Variants in GARIN2 observed in about 807,000 individuals in gnomAD.
The protein encoded by GARIN2 is golgi associated RAB2 interactor family member 2.
chr14:67,224,842 G>T, the GARIN2 span: 1 of 308,656 alleles, frequency 3.2e-6, no homozygotes, highest in Non-Finnish European at 6.0e-6. Flanking sequence ...TAAGCAGCCA[G>T]GTTCATTCTT....
chr14:67,200,102 C>T, the GARIN2 span: 8 of 1,032,176 alleles, frequency 7.8e-6, no homozygotes, highest in Non-Finnish European at 1.2e-5. Flanking sequence ...GGACCTCCTC[C>T]AATGGGCATG....
chr14:67,191,220 C>T, the GARIN2 span, among the ~76,000 whole-genome samples: 256 of 152,086 alleles, frequency 1.7e-3, no homozygotes, highest in African/African-American at 5.5e-3. Context: ...GGTGATGGAG[C>T]GAGACTCCGT....
At chr14:67,191,163 G>C in the GARIN2 span, among the ~76,000 whole-genome samples, 1 of 152,198 alleles carries the variant, frequency 6.6e-6, no homozygotes, top group Non-Finnish European at 1.5e-5. Context: ...GAACCCAGGA[G>C]GTAGAGGTTG....
chr14:67,199,279 C>A, the GARIN2 span: 1 of 1,601,094 alleles, frequency 6.2e-7, no homozygotes, highest in Non-Finnish European at 8.6e-7. Flanking sequence ...CCATTAAGAT[C>A]ATGAACATGA....
chr14:67,208,984 TA>T, the GARIN2 span, among the ~76,000 whole-genome samples: 51 of 150,886 alleles, frequency 3.4e-4, no homozygotes, highest in African/African-American at 1.2e-3. Context: ...TGATGTACCA[TA>T]AAAAAATTTC....
chr14:67,201,327 T>G, the GARIN2 span: 1 of 362,602 alleles, frequency 2.8e-6, no homozygotes, highest in Non-Finnish European at 5.4e-6. Context: ...TTAAAAAAAT[T>G]TAAAAGAGAG....
At chr14:67,197,721 A>T in the GARIN2 span, among the ~76,000 whole-genome samples, 1 of 152,190 alleles carries the variant, frequency 6.6e-6, no homozygotes, top group African/African-American at 2.4e-5. Flanking sequence ...ATCCTGCATG[A>T]TGAAGAGGGT....
At chr14:67,214,237 G>A in the GARIN2 span, among the ~76,000 whole-genome samples, 3 of 152,116 alleles carry the variant, frequency 2.0e-5, no homozygotes, top group Non-Finnish European at 4.4e-5. Flanking sequence ...TGAAGTCCTT[G>A]CCCATGCCTA....
chr14:67,201,555 G>T, the GARIN2 span: 12 of 455,612 alleles, frequency 2.6e-5, no homozygotes, highest in South Asian at 1.9e-4. Flanking sequence ...AGGGTTGGAG[G>T]ATACCTCCTG....
At chr14:67,199,985 T>G in the GARIN2 span, 16 of 1,104,478 alleles carry the variant, frequency 1.4e-5, no homozygotes, top group Admixed American at 1.7e-4. Context: ...ATGTCTCAGA[T>G]GCAGCTGGCA....
the GARIN2 span, among the ~76,000 whole-genome samples, chr14:67,224,263 T>C: frequency 1.3e-5 from 2 of 149,414 alleles, no homozygotes; most frequent in African/African-American, 2.5e-5. Context: ...TCTTTTCTTT[T>C]TTTTTTTTTT....
the GARIN2 span, chr14:67,224,967 G>C: frequency 1.5e-6 from 1 of 652,964 alleles, no homozygotes; most frequent in Non-Finnish European, 2.5e-6. Context: ...TGATGAGGTG[G>C]TTAGAACATA....
the GARIN2 span, among the ~76,000 whole-genome samples, chr14:67,209,853 T>C: frequency 6.8e-6 from 1 of 147,104 alleles, no homozygotes; most frequent in African/African-American, 2.5e-5. Flanking sequence ...CGAAAAAGTA[T>C]AATAGATTAC....
At chr14:67,199,306 G>C in the GARIN2 span, 1 of 1,609,210 alleles carries the variant, frequency 6.2e-7, no homozygotes, top group Non-Finnish European at 8.5e-7. Context: ...TCTATGGGAA[G>C]CCAATACGGG....
At chr14:67,198,340 T>C in the GARIN2 span, 1 of 1,599,862 alleles carries the variant, frequency 6.3e-7, no homozygotes, top group East Asian at 2.2e-5. Flanking sequence ...ATTCAAGGCC[T>C]GAGTTAAGTT....
the GARIN2 span, among the ~76,000 whole-genome samples, chr14:67,225,922 T>TGGGA: frequency 1.7e-5 from 2 of 117,416 alleles, no homozygotes; most frequent in Non-Finnish European, 1.7e-5. Context: ...AAGCTAATGC[T>TGGGA]GTGAGTGTGT....
At chr14:67,200,108 G>T in the GARIN2 span, 1 of 1,039,080 alleles carries the variant, frequency 9.6e-7, no homozygotes, top group South Asian at 1.5e-5. Context: ...CCTCCAATGG[G>T]CATGCCCCCC....
chr14:67,214,540 C>T, the GARIN2 span, among the ~76,000 whole-genome samples: 1 of 152,146 alleles, frequency 6.6e-6, no homozygotes, highest in South Asian at 2.1e-4. Flanking sequence ...TGTTTTGGTA[C>T]CAGTACCATG....
At chr14:67,193,522 GATATAGATCTATAGAAATATATATCTAT>G in the GARIN2 span, among the ~76,000 whole-genome samples, 1 of 137,632 alleles carries the variant, frequency 7.3e-6, no homozygotes, top group Non-Finnish European at 1.6e-5. Context: ...TATATATCTA[GATATAGATCTATAGAAATATATATCTAT>G]ATATAGATCT....
Sources: gnomAD v4.1 joint callset for allele counts (sites outside exome capture counted in the v4.1 genomes callset) on GRCh38, gnomAD v4.1.1 for gene constraint, MANE v1.5 for transcripts, NCBI Gene and HGNC (gene_info 2026-07-23, HGNC 2026-07-21) for gene names.